The following DLGAP2 variants were observed in gnomAD, a reference collection of about 807,000 sequenced individuals.
DLGAP2 encodes the protein disks large-associated protein 2.
Under a neutral mutation model 100.3 loss-of-function variants are expected in DLGAP2, and 26 were observed. The observed-to-expected ratio is 0.26, with a 90% CI of 0.19 to 0.36. The LOEUF is 0.36. DLGAP2 is among the 10% of genes least tolerant of loss of function. DLGAP2 has a pLI of 1.00. For missense variants in DLGAP2, 1,858 were observed against 1,453.2 expected (o/e 1.28, Z -4.53); for synonymous variants, 886 against 630.1 (o/e 1.41, Z -6.08).
At chr8:1,136,973 G>C (rs921089477) in intron 2 of DLGAP2, among the ~76,000 whole-genome samples, 1 of 152,214 alleles carries the variant, frequency 6.6e-6, no homozygotes, top group African/African-American at 2.4e-5. Flanking sequence ...CTGTAATCCT[G>C]CCTCTCAAGA....
At chr8:1,212,031 G>A (rs1022534212) in intron 2 of DLGAP2, among the ~76,000 whole-genome samples, 1 of 152,216 alleles carries the variant, frequency 6.6e-6, no homozygotes, top group African/African-American at 2.4e-5. Flanking sequence ...GATTCACAGC[G>A]CTAAAGCCTA....
chr8:1,450,642 C>T (rs570214911), intron 3 of DLGAP2, among the ~76,000 whole-genome samples: 1 of 152,138 alleles, frequency 6.6e-6, no homozygotes. Context: ...GTCTTCCCCC[C>T]CATCATTCCC....
chr8:1,108,427 T>A (rs894752394), intron 2 of DLGAP2, among the ~76,000 whole-genome samples: 19 of 152,196 alleles, frequency 1.2e-4, no homozygotes, highest in Non-Finnish European at 4.4e-5. Flanking sequence ...TGTAAGATGA[T>A]GCTGTGAGAT....
At chr8:1,031,440 C>G (rs1801969584) in intron 2 of DLGAP2, among the ~76,000 whole-genome samples, 1 of 151,636 alleles carries the variant, frequency 6.6e-6, no homozygotes, top group South Asian at 2.1e-4. Context: ...GAGACAGGGC[C>G]TCACTCTGTC....
At chr8:922,598 G>T (rs1423399658) in intron 2 of DLGAP2, among the ~76,000 whole-genome samples, 1 of 152,202 alleles carries the variant, frequency 6.6e-6, no homozygotes, top group Non-Finnish European at 1.5e-5. Flanking sequence ...TTGTGGGAGT[G>T]TGCATTGTGT....
intron 2 of DLGAP2, among the ~76,000 whole-genome samples, chr8:1,078,660 A>G (rs937095893): frequency 1.3e-5 from 2 of 151,908 alleles, no homozygotes; most frequent in African/African-American, 4.9e-5. Flanking sequence ...AATAGACAGT[A>G]TGTAACCTTT....
chr8:1,417,832 C>A (rs1796974057), intron 3 of DLGAP2, among the ~76,000 whole-genome samples: 1 of 152,116 alleles, frequency 6.6e-6, no homozygotes. Context: ...TTGAAGAATT[C>A]GATTATTACC....
At chr8:803,138 G>A (rs1796203900) in intron 1 of DLGAP2, among the ~76,000 whole-genome samples, 4 of 152,050 alleles carry the variant, frequency 2.6e-5, no homozygotes, top group Admixed American at 2.6e-4. Flanking sequence ...TTATGGCTGG[G>A]GTGCATTTGT....
chr8:1,409,384 T>C (rs28624447), intron 3 of DLGAP2, among the ~76,000 whole-genome samples: 40,828 of 148,302 alleles, frequency 0.28, 6,147 homozygotes, highest in East Asian at 0.39. Context: ...CGCCCAGCTC[T>C]CCTTGGCAGT....
At chr8:838,001 A>G (rs1399767711) in intron 1 of DLGAP2, among the ~76,000 whole-genome samples, 1 of 150,384 alleles carries the variant, frequency 6.6e-6, no homozygotes, top group Non-Finnish European at 1.5e-5. Context: ...TGCTGGGGTT[A>G]CAGGCGTGAG....
At chr8:1,381,783 G>GTGTGTGTC (rs1491142985) in intron 3 of DLGAP2, among the ~76,000 whole-genome samples, 29 of 3,230 alleles carry the variant, frequency 9.0e-3, no homozygotes, top group African/African-American at 0.017. Context: ...GGTTATTCTA[G>GTGTGTGTC]TGTGTGTGTG....
intron 3 of DLGAP2, among the ~76,000 whole-genome samples, chr8:1,347,734 G>A (rs183135825): frequency 6.6e-6 from 1 of 151,834 alleles, no homozygotes; most frequent in East Asian, 1.9e-4. Flanking sequence ...CATGGTAGCT[G>A]TGTGAAGGTT....
chr8:973,226 C>T (rs575630007), intron 2 of DLGAP2, among the ~76,000 whole-genome samples: 48 of 148,880 alleles, frequency 3.2e-4, no homozygotes, highest in East Asian at 1.0e-3. Flanking sequence ...CCCTCCCAGA[C>T]GGGGCGGCTG....
intron 4 of DLGAP2, among the ~76,000 whole-genome samples, chr8:1,546,398 C>T (rs1801534942): frequency 6.6e-6 from 1 of 152,238 alleles, no homozygotes; most frequent in Non-Finnish European, 1.5e-5. Flanking sequence ...TCTGCATTCA[C>T]ACCTGGGTGT....
chr8:812,940 A>G (rs1021520413), intron 1 of DLGAP2, among the ~76,000 whole-genome samples: 22 of 152,218 alleles, frequency 1.4e-4, no homozygotes, highest in Non-Finnish European at 1.2e-4. Context: ...TATGAGTTTA[A>G]AACCTTTGGT....
intron 2 of DLGAP2, among the ~76,000 whole-genome samples, chr8:1,243,605 T>G (rs1482662272): frequency 6.6e-6 from 1 of 152,214 alleles, no homozygotes; most frequent in Non-Finnish European, 1.5e-5. Context: ...TCACATTAAT[T>G]TGTTTGGACC....
chr8:944,011 C>T (rs933553837), intron 2 of DLGAP2, among the ~76,000 whole-genome samples: 5 of 152,238 alleles, frequency 3.3e-5, no homozygotes, highest in Non-Finnish European at 7.3e-5. Context: ...ACAAACATAA[C>T]ACAGCTTTGT....
At chr8:1,236,997 T>G (rs1319478400) in intron 2 of DLGAP2, among the ~76,000 whole-genome samples, 1 of 139,198 alleles carries the variant, frequency 7.2e-6, no homozygotes, top group Non-Finnish European at 1.5e-5. Flanking sequence ...CTCTCACACA[T>G]AGCGTCATGT....
rs536142938 is a variant in DLGAP2, at chr8:1,484,397, C to T, written c.107-16969C>T. Among the ~76,000 whole-genome samples the T allele has an allele frequency of 2.9e-3, 442 of 152,368 alleles. 2 individuals carry two copies. The highest frequency in any genetic ancestry group is 0.01 in the Middle Eastern group (3 of 294). On this transcript the variant is annotated intron_variant, in intron 3 of 14. Transcript: ENST00000637795. ...ACATGAGTTCCTTAGATCCTCATTG[C>T]GCAGGGACACTTCAAAAGAAAAAGG...
Sources: allele counts gnomAD v4.1 joint callset (sites outside exome capture counted in the v4.1 genomes callset), GRCh38; gene constraint gnomAD v4.1.1; transcripts MANE v1.5; gene names NCBI Gene and HGNC (gene_info 2026-07-23, HGNC 2026-07-21).